LARP4B: variants seen among roughly 807,000 people sequenced by gnomAD.
The protein encoded by LARP4B is La ribonucleoprotein 4B.
A neutral mutation model predicts 89.8 loss-of-function variants in LARP4B; 12 were observed. The ratio of observed to expected loss-of-function variants is 0.13; its 90% confidence interval spans 0.09 to 0.22. LARP4B has a LOEUF of 0.22. LARP4B is among the 10% of genes least tolerant of loss of function. The pLI, the probability that LARP4B is intolerant of heterozygous loss-of-function variation, is 1.00. For synonymous variants in LARP4B, 367 were observed against 363.3 expected, an observed-to-expected ratio of 1.01 and a Z score of -0.12; for missense variants, 757 against 947.7, an observed-to-expected ratio of 0.80 and a Z score of 2.64.
At chr10:943,383 AT>A in the LARP4B span, among the ~76,000 whole-genome samples, 13 of 152,100 alleles carry the variant, frequency 8.5e-5, no homozygotes, top group Non-Finnish European at 5.9e-5. Flanking sequence ...GACAGCAAGC[AT>A]TTGAACATAG....
chr10:968,329 A>C, the LARP4B span, among the ~76,000 whole-genome samples: 1 of 129,208 alleles, frequency 7.7e-6, no homozygotes, highest in Non-Finnish European at 1.7e-5. Context: ...GCACCATACA[A>C]GCAGTTTGTG....
upstream of LARP4B, among the ~76,000 whole-genome samples, chr10:935,521 A>G (rs1268371197): frequency 6.6e-6 from 1 of 152,150 alleles, no homozygotes; most frequent in Non-Finnish European, 1.5e-5. Context: ...CTGTTGAGCT[A>G]CATCACATCA....
intron 1 of LARP4B, among the ~76,000 whole-genome samples, chr10:898,744 T>C (rs1836256794): frequency 6.6e-6 from 1 of 152,246 alleles, no homozygotes; most frequent in African/African-American, 2.4e-5. Flanking sequence ...TTCTAAGTGC[T>C]TTCTCCACGT....
At chr10:880,117 C>T (rs1377243651) in intron 3 of LARP4B, among the ~76,000 whole-genome samples, 2 of 152,086 alleles carry the variant, frequency 1.3e-5, no homozygotes, top group African/African-American at 4.8e-5. Context: ...TAACAACCTG[C>T]CAAAAGGTCT....
At chr10:823,829 G>A (rs1332603166) in intron 13 of LARP4B, among the ~76,000 whole-genome samples, 1 of 152,018 alleles carries the variant, frequency 6.6e-6, no homozygotes, top group Non-Finnish European at 1.5e-5. Flanking sequence ...TTTTGGCTTT[G>A]CATCTCCAAG....
chr10:933,359 G>T (rs566902503), upstream of LARP4B, among the ~76,000 whole-genome samples: 1 of 151,808 alleles, frequency 6.6e-6, no homozygotes. Context: ...GTGCTGTCTC[G>T]GGCCCCCAAA....
chr10:889,648 T>G lies in LARP4B; in HGVS notation c.-39-3888A>C, dbSNP rs563914784. 9.8e-5 allele frequency among the ~76,000 whole-genome samples: 15 copies of G among 152,310 alleles called. No homozygotes were observed. The East Asian group carries it at 2.9e-3, about 29-fold the overall frequency. The stretch of plus-strand genomic sequence containing the variant: ...CAATGTCTAGACACTAAACTTCACA[T>G]GTAACATCTCACTCAATTTTCCCAA... On this transcript the variant is annotated intron_variant, in intron 1 of 17. Transcript: ENST00000316157.
At chr10:933,117 T>A (rs1830701072), upstream of LARP4B, 1 of 152,244 alleles carries the variant, frequency 6.6e-6, no homozygotes, top group Non-Finnish European at 1.5e-5. Flanking sequence ...CCAAACAAAG[T>A]ATGTTGCGTT....
At chr10:903,506 C>T (rs1836400677) in intron 1 of LARP4B, 1 of 152,168 alleles carries the variant, frequency 6.6e-6, no homozygotes, top group Non-Finnish European at 1.5e-5. Context: ...TTTGCTTCCT[C>T]TCATTTACAT....
the LARP4B span, among the ~76,000 whole-genome samples, chr10:964,748 G>GGC: frequency 1.3e-5 from 2 of 152,190 alleles, no homozygotes; most frequent in African/African-American, 4.8e-5. Context: ...GTGATGAAAA[G>GGC]GCGACAGTGG....
intron 7 of LARP4B, 97 bp from the exon 8 acceptor site, chr10:836,603 C>T: frequency 1.3e-6 from 1 of 747,136 alleles, no homozygotes. Context: ...ACTAAATAAG[C>T]TAAAGAAACC....
At chr10:838,515 C>T (rs1457116566) in intron 7 of LARP4B, among the ~76,000 whole-genome samples, 4 of 152,152 alleles carry the variant, frequency 2.6e-5, no homozygotes, top group Non-Finnish European at 4.4e-5. Flanking sequence ...TGGAAAAACG[C>T]TTCACATCAT....
chr10:825,607 T>A (rs61623284), intron 12 of LARP4B, among the ~76,000 whole-genome samples, 157 bp downstream of exon 12: 1 of 152,366 alleles, frequency 6.6e-6, no homozygotes, highest in East Asian at 1.9e-4. Flanking sequence ...CGGGCACCCA[T>A]GCCAGATTGT....
the LARP4B span, among the ~76,000 whole-genome samples, chr10:968,423 C>G: frequency 2.0e-5 from 3 of 152,186 alleles, no homozygotes; most frequent in African/African-American, 7.2e-5. Flanking sequence ...TTTTTGGTTA[C>G]TGAATACACT....
At chr10:837,878 A>T (rs1353280154) in intron 7 of LARP4B, among the ~76,000 whole-genome samples, 1 of 152,190 alleles carries the variant, frequency 6.6e-6, no homozygotes, top group Non-Finnish European at 1.5e-5. Flanking sequence ...CACGAAAAAA[A>T]TTTACAAATT....
At position 814,767 on chromosome 10, in the gene LARP4B, G is replaced by A. The variant is rs369233947; in HGVS notation, c.1904C>T (p.Ser635Leu). Residue 635 changes from serine to leucine, a missense_variant, in exon 17 of 18, where the codon TCG becomes TTG. Ser to Leu is a moderately radical substitution (Grantham distance 145). Around this residue, in one of 5 missense-constraint regions of LARP4B, gnomAD observed 387 missense variants for 423.6 expected, o/e 0.91. Transcript: ENST00000316157. This position sits in a 1 kb window ranked among gnomAD's most constrained non-coding sequence, Gnocchi z 4.4. ...CGTGGCGGCTCCGTTCACCTGCACC[G>A]ATTTACACGCGGTCGCAGTGAGGGC... ...PSALTATACKSVQVNGAATEL... is the reference protein window; with the variant it reads ...PSALTATACKLVQVNGAATEL... 12 of 1,601,084 alleles carry A rather than the reference G, an allele frequency of 7.5e-6. 1 individual carries two copies. The highest frequency in any genetic ancestry group is 2.7e-5 in the African/African-American group (2 of 74,562).
chr10:946,675 T>C, the LARP4B span, among the ~76,000 whole-genome samples: 4 of 152,208 alleles, frequency 2.6e-5, no homozygotes, highest in African/African-American at 9.7e-5. Flanking sequence ...GTTCCTTCCA[T>C]TTGTTGAATG....
intron 3 of LARP4B, among the ~76,000 whole-genome samples, chr10:872,348 G>A (rs1835255766): frequency 6.6e-6 from 1 of 152,154 alleles, no homozygotes; most frequent in African/African-American, 2.4e-5. Context: ...TGGCTCGCCC[G>A]CCCCTGACAT....
intron 1 of LARP4B, among the ~76,000 whole-genome samples, chr10:920,077 T>C (rs1028961751): frequency 1.3e-5 from 2 of 152,266 alleles, no homozygotes; most frequent in East Asian, 3.8e-4. Flanking sequence ...AAAACACTTA[T>C]TTAAATTATC....
Sources: allele counts gnomAD v4.1 joint callset (sites outside exome capture counted in the v4.1 genomes callset), GRCh38; gene constraint gnomAD v4.1.1; regional missense constraint gnomAD v4.1.1; non-coding constraint Gnocchi (gnomAD v3.1); transcripts MANE v1.5; gene names NCBI Gene and HGNC (gene_info 2026-07-23, HGNC 2026-07-21).